F13A1: variants seen among roughly 807,000 people sequenced by gnomAD.
F13A1 encodes FSF, A subunit.
F13A1 carries 47 observed loss-of-function variants against 80.1 expected under a neutral mutation model. The observed-to-expected ratio is 0.59, with a 90% confidence interval of 0.46 to 0.75. The LOEUF (loss-of-function observed/expected upper bound fraction) is 0.75, where lower values mean the gene tolerates loss of function less well. Ranked by LOEUF, F13A1 falls within the 30% of genes least tolerant of loss-of-function variation. The pLI, the probability that F13A1 is intolerant of heterozygous loss-of-function variation, is 0.00. For synonymous variants in F13A1, 349 were observed against 344.9 expected, an observed-to-expected ratio of 1.01 and a Z score of -0.13; for missense variants, 817 against 930.4, an observed-to-expected ratio of 0.88 and a Z score of 1.59.
At chr6:6,193,227 C>T (rs1373670017) in intron 10 of F13A1, among the ~76,000 whole-genome samples, 1 of 152,184 alleles carries the variant, frequency 6.6e-6, no homozygotes, top group South Asian at 2.1e-4. Context: ...GCATACCCCT[C>T]TTCTTTTTAG....
chr6:6,288,680 G>A (rs1758171296), intron 3 of F13A1, among the ~76,000 whole-genome samples: 1 of 152,186 alleles, frequency 6.6e-6, no homozygotes, highest in Admixed American at 6.5e-5. Context: ...CCAGAAGTGG[G>A]ATTGCTGAAT....
At position 6,185,133 on chromosome 6, in the gene F13A1, T is replaced by C. The variant is rs1761055915; in HGVS notation, c.1306-2992A>G. Among the ~76,000 whole-genome samples the C allele has an allele frequency of 2.6e-5, 4 of 151,742 alleles. No individual in the cohort carries two copies. In the South Asian group the frequency reaches 6.3e-4, roughly 24 times the overall value. On this transcript the variant is annotated intron_variant, in intron 10 of 14. Transcript: ENST00000264870. ...GATGAGTTACTGAATCTCTCTCTTT[T>C]TTTTTTTTTATTATACTTTAAGTTC...
intron 3 of F13A1, among the ~76,000 whole-genome samples, chr6:6,294,374 C>A (rs1199001161): frequency 6.6e-6 from 1 of 152,266 alleles, no homozygotes; most frequent in South Asian, 2.1e-4. Context: ...TGCTTCCTGC[C>A]TTTGAACATC....
At chr6:6,223,855 C>T (rs1342834315) in intron 7 of F13A1, among the ~76,000 whole-genome samples, 1 of 151,994 alleles carries the variant, frequency 6.6e-6, no homozygotes, top group Non-Finnish European at 1.5e-5. Context: ...AATGAGCAGG[C>T]AGAAAGGACA....
At chr6:6,217,976 C>A (rs1325693) in intron 8 of F13A1, among the ~76,000 whole-genome samples, 1 of 152,070 alleles carries the variant, frequency 6.6e-6, no homozygotes, top group Non-Finnish European at 1.5e-5. Context: ...ATGCCCTGCA[C>A]ACTGTTACAT....
At chr6:6,239,324 G>T (rs1262636073) in intron 6 of F13A1, among the ~76,000 whole-genome samples, 4 of 152,140 alleles carry the variant, frequency 2.6e-5, no homozygotes, top group Admixed American at 1.3e-4. Context: ...ATGAGGTGGG[G>T]ATTGACCGGA....
intron 4 of F13A1, among the ~76,000 whole-genome samples, chr6:6,263,259 C>T (rs962662992): frequency 4.6e-5 from 7 of 152,336 alleles, no homozygotes; most frequent in African/African-American, 1.7e-4. Context: ...AGCCCATGAC[C>T]ATCTCCCTGG....
intron 3 of F13A1, among the ~76,000 whole-genome samples, chr6:6,300,295 G>T (rs1286293715): frequency 6.7e-6 from 1 of 150,348 alleles, no homozygotes; most frequent in Non-Finnish European, 1.5e-5. Flanking sequence ...AGGCTGCTTT[G>T]TTTCAGTAAG....
chr6:6,279,710 T>G (rs556396300), intron 3 of F13A1, among the ~76,000 whole-genome samples: 2 of 152,310 alleles, frequency 1.3e-5, no homozygotes, highest in East Asian at 3.9e-4. Context: ...CAAAGCACCA[T>G]TTGCTCATTT....
chr6:6,168,046 C>G (rs1760708826), intron 12 of F13A1, among the ~76,000 whole-genome samples: 2 of 152,178 alleles, frequency 1.3e-5, no homozygotes, highest in South Asian at 4.1e-4. Context: ...TAAGAAGTGT[C>G]TCACCTAGGC....
chr6:6,237,982 CAA>C (rs949742764), intron 6 of F13A1, among the ~76,000 whole-genome samples: 2 of 151,942 alleles, frequency 1.3e-5, no homozygotes, highest in African/African-American at 4.8e-5. Context: ...ATTTACATAG[CAA>C]TACAAAGGAT....
chr6:6,167,503 G>A lies in F13A1; in HGVS notation c.1863C>T (p.Ala621=), dbSNP rs958236716. 3 of 1,613,990 alleles carry A rather than the reference G, an allele frequency of 1.9e-6. No homozygotes were observed. Among genetic ancestry groups the A allele is most frequent in the Middle Eastern group, 3.3e-4 (2 of 6,060 alleles). The change falls in exon 13 of 15, where the codon GCC becomes GCT. Residue 621 remains alanine, a synonymous_variant. Coordinates refer to ENST00000264870, the MANE Select transcript of F13A1 (RefSeq NM_000129.4). ...TGGTTAGCACGGTGGACTTTTGCTT[G>A]GCCAGAACATCCCTGGTCTCATTGA... ...ARINETRDVL[A]KQKSTVLTIP... is the part of the protein sequence containing the mutation.
At chr6:6,191,112 G>T (rs1245245685) in intron 10 of F13A1, among the ~76,000 whole-genome samples, 3 of 152,250 alleles carry the variant, frequency 2.0e-5, no homozygotes, top group Non-Finnish European at 2.9e-5. Context: ...CCACTGACCT[G>T]TGCCCACTGT....
At chr6:6,307,593 T>C (rs1758531508) in intron 2 of F13A1, among the ~76,000 whole-genome samples, 1 of 152,132 alleles carries the variant, frequency 6.6e-6, no homozygotes, top group Non-Finnish European at 1.5e-5. Flanking sequence ...TCCTTAGAAA[T>C]GGGTTTCATC....
At chr6:6,245,879 C>T (rs1228703946) in intron 6 of F13A1, among the ~76,000 whole-genome samples, 1 of 152,218 alleles carries the variant, frequency 6.6e-6, no homozygotes, top group Non-Finnish European at 1.5e-5. Context: ...TACCGCTGCT[C>T]TGGCATTTGC....
At chr6:6,166,701 G>A (rs1760680308) in intron 13 of F13A1, among the ~76,000 whole-genome samples, 1 of 152,172 alleles carries the variant, frequency 6.6e-6, no homozygotes, top group Admixed American at 6.5e-5. Context: ...TAGGAGCACA[G>A]AGGCTCCCAC....
rs759017674 is a variant in F13A1, at chr6:6,151,814, G to A, written c.2044C>T (p.Arg682Cys). ...GVTRPMKKMF[R>C]EIRPNSTVQW... ...CGGTCTCCCCAACCCAAGGTTTACC[G>A]GAACATCTTCTTCATTGGTCTTGTT... The change falls in exon 14 of 15, where the codon CGT (arginine) becomes TGT (cysteine). Residue 682 changes from arginine to cysteine, a missense_variant and splice_region_variant. Coordinates refer to ENST00000264870, the MANE Select transcript of F13A1 (RefSeq NM_000129.4). 2.0e-5 allele frequency: 33 copies of A among 1,613,886 alleles called. No individual in the cohort carries two copies. The highest frequency in any genetic ancestry group is 8.8e-5 in the South Asian group (8 of 91,080).
chr6:6,268,859 T>G (rs1757880855), intron 3 of F13A1, among the ~76,000 whole-genome samples: 2 of 152,000 alleles, frequency 1.3e-5, no homozygotes, highest in South Asian at 2.1e-4. Flanking sequence ...TGGCTAACTT[T>G]TTGTATTTTT....
intron 8 of F13A1, among the ~76,000 whole-genome samples, chr6:6,218,339 A>G (rs962159361): frequency 1.3e-5 from 2 of 152,084 alleles, no homozygotes; most frequent in Non-Finnish European, 2.9e-5. Flanking sequence ...CTCCCTCCTC[A>G]CTGAGCCCTC....
Sources: gnomAD v4.1 joint callset for allele counts (sites outside exome capture counted in the v4.1 genomes callset) on GRCh38, gnomAD v4.1.1 for gene constraint, MANE v1.5 for transcripts, NCBI Gene and HGNC (gene_info 2026-07-23, HGNC 2026-07-21) for gene names.